Variants in PRELID2 observed in about 807,000 individuals in gnomAD.
PRELID2 encodes the protein PRELI domain containing 2, also known as PRELI domain-containing protein 2.
A neutral mutation model predicts 28.4 loss-of-function variants in PRELID2; 25 were observed. That is an observed-to-expected ratio of 0.88 (90% CI 0.64 to 1.23). The LOEUF is 1.23. Ranked by LOEUF, PRELID2 falls within the 50% of genes most tolerant of loss-of-function variation. The probability of loss-of-function intolerance (pLI) is 0.00; values close to 1 mark genes in which losing one functional copy is unlikely to be tolerated. For synonymous variants in PRELID2, 76 were observed against 71.6 expected, an observed-to-expected ratio of 1.06 and a Z score of -0.31; for missense variants, 201 against 214.4, an observed-to-expected ratio of 0.94 and a Z score of 0.39.
At chr5:145,242,531 T>C in the PRELID2 span, among the ~76,000 whole-genome samples, 2 of 152,058 alleles carry the variant, frequency 1.3e-5, no homozygotes, top group African/African-American at 4.8e-5. Context: ...GCAATCCAAG[T>C]AATCCTCCAC....
chr5:145,394,595 A>C, the PRELID2 span, among the ~76,000 whole-genome samples: 1 of 152,178 alleles, frequency 6.6e-6, no homozygotes, highest in African/African-American at 2.4e-5. Flanking sequence ...TAATAAAATA[A>C]AGTAAAATAA....
the PRELID2 span, among the ~76,000 whole-genome samples, chr5:145,258,459 T>G: frequency 6.6e-6 from 1 of 152,110 alleles, no homozygotes; most frequent in Non-Finnish European, 1.5e-5. Context: ...AATGAGAAAC[T>G]TATTGGGAAC....
downstream of PRELID2, among the ~76,000 whole-genome samples, chr5:145,755,819 G>T (rs1216884572): frequency 6.6e-6 from 1 of 152,124 alleles, no homozygotes; most frequent in Non-Finnish European, 1.5e-5. Context: ...TGAACTTAGG[G>T]CTCTACCCCT....
At chr5:145,321,232 A>G in the PRELID2 span, among the ~76,000 whole-genome samples, 4 of 152,206 alleles carry the variant, frequency 2.6e-5, no homozygotes, top group Non-Finnish European at 5.9e-5. Flanking sequence ...AACCATTCAA[A>G]GCCTATTACA....
chr5:145,484,238 G>C (rs1752192949), intron 1 of PRELID2, among the ~76,000 whole-genome samples: 1 of 152,158 alleles, frequency 6.6e-6, no homozygotes, highest in Non-Finnish European at 1.5e-5. Flanking sequence ...TGAACATATG[G>C]AGACTATGAG....
At chr5:145,572,848 T>C (rs1365328260) in intron 1 of PRELID2, among the ~76,000 whole-genome samples, 2 of 152,178 alleles carry the variant, frequency 1.3e-5, no homozygotes, top group Non-Finnish European at 2.9e-5. Flanking sequence ...ACTGAGGCTG[T>C]CTGGAAGTTA....
chr5:145,393,468 C>A, the PRELID2 span, among the ~76,000 whole-genome samples: 1 of 152,142 alleles, frequency 6.6e-6, no homozygotes, highest in Non-Finnish European at 1.5e-5. Context: ...CGGGCAGCCT[C>A]CAGAACAAGA....
chr5:145,385,035 T>A, the PRELID2 span, among the ~76,000 whole-genome samples: 2 of 152,278 alleles, frequency 1.3e-5, no homozygotes, highest in South Asian at 2.1e-4. Flanking sequence ...AGGTACAGTG[T>A]AAGAGTGAAT....
chr5:145,409,480 G>A, the PRELID2 span, among the ~76,000 whole-genome samples: 6 of 152,144 alleles, frequency 3.9e-5, no homozygotes, highest in East Asian at 1.9e-4. Context: ...CAAGAGACTC[G>A]CCTAACACAT....
chr5:145,264,075 G>A, the PRELID2 span, among the ~76,000 whole-genome samples: 3 of 152,178 alleles, frequency 2.0e-5, no homozygotes, highest in South Asian at 6.2e-4. Flanking sequence ...GATATTCAAA[G>A]AAGTATTGGC....
intron 1 of PRELID2, among the ~76,000 whole-genome samples, chr5:145,506,594 C>T (rs1315995459): frequency 2.6e-5 from 4 of 152,154 alleles, no homozygotes; most frequent in Non-Finnish European, 5.9e-5. Context: ...GAATTTAAAA[C>T]CTTGAAGAAC....
chr5:145,498,385 C>T (rs377030496), intron 1 of PRELID2, among the ~76,000 whole-genome samples: 2 of 152,264 alleles, frequency 1.3e-5, no homozygotes, highest in South Asian at 2.1e-4. Context: ...CACAGTCAAG[C>T]ATGGTGGCGT....
chr5:145,353,305 C>CAA, the PRELID2 span, among the ~76,000 whole-genome samples: 1 of 151,408 alleles, frequency 6.6e-6, no homozygotes. Flanking sequence ...CACACACACA[C>CAA]ACAAAAAATC....
intron 1 of PRELID2, among the ~76,000 whole-genome samples, chr5:145,694,971 C>T (rs1412267747): frequency 6.6e-6 from 1 of 152,100 alleles, no homozygotes; most frequent in South Asian, 2.1e-4. Context: ...ATTCCATCAC[C>T]CCCCACATAG....
At chr5:145,638,278 CG>C (rs1754037039) in intron 1 of PRELID2, among the ~76,000 whole-genome samples, 1 of 152,104 alleles carries the variant, frequency 6.6e-6, no homozygotes, top group South Asian at 2.1e-4. Context: ...CCCCACTAAA[CG>C]GGCATTACAA....
At chr5:145,289,872 A>G in the PRELID2 span, among the ~76,000 whole-genome samples, 1 of 152,150 alleles carries the variant, frequency 6.6e-6, no homozygotes, top group Non-Finnish European at 1.5e-5. Flanking sequence ...GCATCTTTTC[A>G]TAAGCTTATT....
chr5:145,473,951 A>G (rs1428768589), intron 1 of PRELID2, among the ~76,000 whole-genome samples: 2 of 152,216 alleles, frequency 1.3e-5, no homozygotes, highest in Non-Finnish European at 2.9e-5. Context: ...TGCAATTACC[A>G]GGAGCTAAGT....
At chr5:145,546,214 CAT>C (rs569800300) in intron 1 of PRELID2, among the ~76,000 whole-genome samples, 164 of 145,480 alleles carry the variant, frequency 1.1e-3, no homozygotes, top group Non-Finnish European at 7.3e-4. Flanking sequence ...AAGCGAATAA[CAT>C]AGGAGCAAGA....
chr5:145,256,217 C>A, the PRELID2 span, among the ~76,000 whole-genome samples: 1 of 152,008 alleles, frequency 6.6e-6, no homozygotes, highest in South Asian at 2.1e-4. Flanking sequence ...CTTCCATCTT[C>A]AAATCCAGTA....
Sources: gnomAD v4.1 joint callset for allele counts (sites outside exome capture counted in the v4.1 genomes callset) on GRCh38, gnomAD v4.1.1 for gene constraint, MANE v1.5 for transcripts, NCBI Gene and HGNC (gene_info 2026-07-23, HGNC 2026-07-21) for gene names.